Variants in GPR158 observed in about 807,000 individuals in gnomAD.
GPR158 encodes G protein-coupled receptor 158.
A neutral mutation model predicts 78.2 loss-of-function variants in GPR158; 30 were observed. That is an observed-to-expected ratio of 0.38 (90% confidence interval 0.29 to 0.52). The LOEUF is 0.52. Ranked by LOEUF, GPR158 falls within the 20% of genes least tolerant of loss-of-function variation. GPR158 has a pLI of 0.83. For synonymous variants in GPR158, 581 were observed against 591.1 expected, an observed-to-expected ratio of 0.98 and a Z score of 0.25; for missense variants, 1,463 against 1,523.5, an observed-to-expected ratio of 0.96 and a Z score of 0.66.
Position 25,241,289 on chromosome 10 carries a change from C to CTT in GPR158, c.1008+20135_1008+20136dup, listed in dbSNP as rs892525045. 2.8e-4 allele frequency among the ~76,000 whole-genome samples: 29 copies of CTT among 103,266 alleles called. 1 individual carries two copies. Among genetic ancestry groups the CTT allele is most frequent in the Middle Eastern group, 5.5e-3 (1 of 182 alleles). 67.7% of individuals were successfully genotyped at this position (103,266 alleles called of 152,430 possible). ...TTTCTTTCCTTTCTTTCTTTCTTTT[C>CTT]TTTTCTTTTCTTTTCTTTTCTTTTC... On this transcript the variant is annotated intron_variant, in intron 2 of 10. Transcript: ENST00000376351.
intron 6 of GPR158, among the ~76,000 whole-genome samples, chr10:25,569,040 C>T (rs968848570): frequency 6.6e-6 from 1 of 152,096 alleles, no homozygotes; most frequent in Non-Finnish European, 1.5e-5. Flanking sequence ...CATCTTATTC[C>T]ATTTTACAAA....
At chr10:25,437,502 A>C (rs1335607926) in intron 4 of GPR158, among the ~76,000 whole-genome samples, 2 of 152,200 alleles carry the variant, frequency 1.3e-5, no homozygotes, top group Non-Finnish European at 1.5e-5. Context: ...CTGGGATTAC[A>C]GGCATGAGCC....
intron 1 of GPR158, among the ~76,000 whole-genome samples, chr10:25,189,756 T>G (rs1426404420): frequency 6.7e-6 from 1 of 150,040 alleles, no homozygotes; most frequent in Admixed American, 6.7e-5. Context: ...TGCATGTTGT[T>G]CACATGTACC....
intron 2 of GPR158, among the ~76,000 whole-genome samples, chr10:25,390,634 A>G (rs1834282105): frequency 6.6e-6 from 1 of 152,256 alleles, no homozygotes; most frequent in African/African-American, 2.4e-5. Flanking sequence ...AGTTTTATTC[A>G]TTCACAAAGA....
Position 25,387,515 on chromosome 10 carries a change from A to G in GPR158, c.1009-8396A>G, listed in dbSNP as rs1422406567. ...GTTTGGGAATGTTCCTTTCTCTTCA[A>G]ATTTTTTTTTTTTTTTTTGAGACAG... On this transcript the variant is annotated intron_variant, in intron 2 of 10. Transcript: ENST00000376351. Among the ~76,000 whole-genome samples the G allele has an allele frequency of 5.2e-5, 4 of 76,970 alleles. No individual in the cohort carries two copies. In the East Asian group the frequency reaches 1.7e-3, roughly 33 times the overall value. The allele number at this position is 76,970 out of a possible 152,430, so 50.5% of individuals were successfully genotyped here.
At chr10:25,301,666 G>A (rs1277774550) in intron 2 of GPR158, among the ~76,000 whole-genome samples, 1 of 150,810 alleles carries the variant, frequency 6.6e-6, no homozygotes, top group Non-Finnish European at 1.5e-5. Context: ...AAATAGTTGA[G>A]TAACATGTAC....
chr10:25,464,087 A>G (rs776471509), intron 4 of GPR158, among the ~76,000 whole-genome samples: 12 of 152,214 alleles, frequency 7.9e-5, no homozygotes, highest in African/African-American at 2.7e-4. Flanking sequence ...CAGAGTTCCA[A>G]TTTATAATCT....
chr10:25,344,586 G>A (rs972494165), intron 2 of GPR158, among the ~76,000 whole-genome samples: 3 of 151,932 alleles, frequency 2.0e-5, no homozygotes, highest in African/African-American at 4.8e-5. Flanking sequence ...CATTCTAAAT[G>A]TTTGATATTA....
In GPR158 at chr10:25,412,419, T is replaced by C. The variant is rs766431681; in HGVS notation, c.1281T>C (p.Cys427=). 5 of 1,614,154 alleles carry C rather than the reference T, an allele frequency of 3.1e-6. No individual in the cohort carries two copies. Among genetic ancestry groups the C allele is most frequent in the Non-Finnish European group, 3.4e-6 (4 of 1,179,948 alleles). Residue 427 remains cysteine, a synonymous_variant, in exon 4 of 11, where the codon TGT becomes TGC. Transcript: ENST00000376351. ...RLAIISFQAL[C]MLLDFVSMLV... ...CCATCATCTCCTTCCAAGCCCTGTG[T>C]ATGCTGCTCGACTTCGTTAGCATGC... is the stretch of plus-strand genomic sequence containing the variant.
intron 2 of GPR158, among the ~76,000 whole-genome samples, chr10:25,258,195 G>T (rs1214684256): frequency 1.3e-5 from 2 of 152,152 alleles, no homozygotes; most frequent in Non-Finnish European, 2.9e-5. Context: ...GTAAGCAACT[G>T]CTTATTTAGG....
At chr10:25,439,987 C>T (rs72782131) in intron 4 of GPR158, among the ~76,000 whole-genome samples, 3 of 152,288 alleles carry the variant, frequency 2.0e-5, no homozygotes, top group Admixed American at 2.0e-4. Context: ...AATCAGAGCT[C>T]CATCTTATCT....
intron 5 of GPR158, among the ~76,000 whole-genome samples, chr10:25,503,989 C>T (rs1306079546): frequency 6.6e-6 from 1 of 151,696 alleles, no homozygotes; most frequent in South Asian, 2.1e-4. Flanking sequence ...CTCCCAGGTT[C>T]AAGCGATTCT....
At chr10:25,225,183 C>CTTTTTTTTTTTTTTTTTT (rs60603738) in intron 2 of GPR158, among the ~76,000 whole-genome samples, 1 of 134,766 alleles carries the variant, frequency 7.4e-6, no homozygotes, top group African/African-American at 2.8e-5. Context: ...GAACATTTGC[C>CTTTTTTTTTTTTTTTTTT]TTTTTTTTTT....
At chr10:25,436,165 T>G (rs1418495542) in intron 4 of GPR158, among the ~76,000 whole-genome samples, 1 of 152,246 alleles carries the variant, frequency 6.6e-6, no homozygotes, top group Admixed American at 6.5e-5. Flanking sequence ...AAACAATGAA[T>G]AATGTTATAG....
At chr10:25,302,714 T>A (rs1367875392) in intron 2 of GPR158, among the ~76,000 whole-genome samples, 2 of 152,204 alleles carry the variant, frequency 1.3e-5, no homozygotes, top group African/African-American at 4.8e-5. Context: ...AAAAACAGAC[T>A]GCAGATCAAA....
At chr10:25,529,146 T>C (rs763832892) in intron 5 of GPR158, among the ~76,000 whole-genome samples, 1 of 152,134 alleles carries the variant, frequency 6.6e-6, no homozygotes, top group African/African-American at 2.4e-5. Flanking sequence ...CCCAGCACTT[T>C]AGGAGGCTGA....
intron 4 of GPR158, among the ~76,000 whole-genome samples, chr10:25,458,166 T>A (rs1207039060): frequency 6.6e-6 from 1 of 152,178 alleles, no homozygotes; most frequent in Non-Finnish European, 1.5e-5. Flanking sequence ...TGTTCACCTA[T>A]AAATTATGCT....
intron 1 of GPR158, among the ~76,000 whole-genome samples, chr10:25,205,795 G>A (rs1167850100): frequency 1.3e-5 from 2 of 151,738 alleles, no homozygotes; most frequent in African/African-American, 2.4e-5. Flanking sequence ...GTCTGAGAGT[G>A]TGTTTGGTAT....
intron 5 of GPR158, among the ~76,000 whole-genome samples, chr10:25,489,985 T>G (rs1303580384): frequency 6.6e-6 from 1 of 152,174 alleles, no homozygotes; most frequent in Admixed American, 6.6e-5. Context: ...CAGATTTATA[T>G]TTTCAACATT....
Sources: gnomAD v4.1 joint callset for allele counts (sites outside exome capture counted in the v4.1 genomes callset) on GRCh38, gnomAD v4.1.1 for gene constraint, MANE v1.5 for transcripts, NCBI Gene and HGNC (gene_info 2026-07-23, HGNC 2026-07-21) for gene names.